RUNX1: variants seen among roughly 807,000 people sequenced by gnomAD.
The protein encoded by RUNX1 is RUNX family transcription factor 1.
Under a neutral mutation model 42.8 loss-of-function variants are expected in RUNX1, and 19 were observed. The observed-to-expected ratio is 0.44, with a 90% CI of 0.31 to 0.65. RUNX1 has a LOEUF of 0.65. RUNX1 is among the 30% of genes least tolerant of loss of function. RUNX1 has a pLI of 0.07. For missense variants in RUNX1, 528 were observed against 672.0 expected, an observed-to-expected ratio of 0.79 and a Z score of 2.37; for synonymous variants, 271 against 289.4, an observed-to-expected ratio of 0.94 and a Z score of 0.64.
chr21:34,998,596 T>C (rs1046717271), intron 2 of RUNX1, among the ~76,000 whole-genome samples: 4 of 152,042 alleles, frequency 2.6e-5, no homozygotes, highest in East Asian at 1.9e-4. Context: ...GGCTGTAGTG[T>C]AGTGGCCCAG....
intron 6 of RUNX1, among the ~76,000 whole-genome samples, 177 bp from the exon 7 acceptor site, chr21:34,834,778 C>T (rs2057119861): frequency 6.6e-6 from 1 of 152,134 alleles, no homozygotes; most frequent in African/African-American, 2.4e-5. Context: ...GGCCACTGTC[C>T]TCTCAGCAGA....
chr21:34,929,993 T>C (rs2058427338), intron 2 of RUNX1, among the ~76,000 whole-genome samples: 1 of 151,798 alleles, frequency 6.6e-6, no homozygotes, highest in Admixed American at 6.6e-5. Context: ...ACTCTTTATT[T>C]TGTAAGGACA....
At chr21:34,826,532 G>A (rs1048723710) in intron 7 of RUNX1, among the ~76,000 whole-genome samples, 7 of 131,264 alleles carry the variant, frequency 5.3e-5, no homozygotes, top group South Asian at 2.7e-4. Flanking sequence ...CCACCTCCCC[G>A]GCTCAAGCGA....
intron 2 of RUNX1, among the ~76,000 whole-genome samples, chr21:34,963,698 C>T (rs888935243): frequency 1.1e-4 from 16 of 152,178 alleles, no homozygotes; most frequent in East Asian, 1.9e-4. Context: ...TGGGCAGGTC[C>T]GGAGGCGAGA....
chr21:34,856,089 C>T (rs957833215), intron 6 of RUNX1, among the ~76,000 whole-genome samples: 2 of 152,120 alleles, frequency 1.3e-5, no homozygotes, highest in Non-Finnish European at 2.9e-5. Context: ...TTCCCTTTGG[C>T]GTATACTTTT....
In RUNX1 at chr21:34,953,244, G is replaced by T. The variant is rs73900727; in HGVS notation, c.59-60281C>A. Among the ~76,000 whole-genome samples, 63 of 151,908 alleles carry T rather than the reference G, an allele frequency of 4.1e-4. 1 individual carries two copies. Among genetic ancestry groups the T allele is most frequent in the Non-Finnish European group, 8.8e-5 (6 of 67,996 alleles). On this transcript the variant is annotated intron_variant, in intron 2 of 8. Transcript: ENST00000675419. Reference sequence around the variant, plus strand: ...GTGCAAATTCTGTGTGATACCCAATGTCCATTTCCTATTCTTCCTTTCAAA... The same window carrying T: ...GTGCAAATTCTGTGTGATACCCAATTTCCATTTCCTATTCTTCCTTTCAAA...
intron 2 of RUNX1, among the ~76,000 whole-genome samples, chr21:34,964,997 C>A (rs1569128393): frequency 6.6e-6 from 1 of 152,070 alleles, no homozygotes; most frequent in East Asian, 1.9e-4. Context: ...CAAGCACACT[C>A]ACATACGTGC....
intron 2 of RUNX1, among the ~76,000 whole-genome samples, chr21:34,984,722 G>A (rs189634552): frequency 2.0e-5 from 3 of 152,352 alleles, no homozygotes; most frequent in Admixed American, 2.0e-4. Flanking sequence ...AGTTCTAGAG[G>A]AAGCTGGAGG....
chr21:34,872,993 A>G (rs1171979101), intron 5 of RUNX1, among the ~76,000 whole-genome samples: 1 of 152,252 alleles, frequency 6.6e-6, no homozygotes, highest in Non-Finnish European at 1.5e-5. Flanking sequence ...TGAAGGCAGG[A>G]CATTTGTCCT....
intron 2 of RUNX1, among the ~76,000 whole-genome samples, chr21:34,984,150 G>C (rs1231969718): frequency 6.6e-6 from 1 of 152,178 alleles, no homozygotes; most frequent in East Asian, 1.9e-4. Flanking sequence ...AGGTGGACCA[G>C]AGAGAGAAGA....
chr21:34,889,799 C>T (rs1469488166), intron 3 of RUNX1: 1 of 1,130,990 alleles, frequency 8.8e-7, no homozygotes, highest in Non-Finnish European at 1.1e-6. Flanking sequence ...CCGACCCCGC[C>T]CGGCGGGGCT....
chr21:35,042,959 T>A (rs186191640), intron 2 of RUNX1, among the ~76,000 whole-genome samples: 1 of 152,184 alleles, frequency 6.6e-6, no homozygotes, highest in African/African-American at 2.4e-5. Flanking sequence ...CTCAGTGTTA[T>A]TGCAAGATGA....
chr21:34,823,823 C>T (rs1236030414), intron 7 of RUNX1, among the ~76,000 whole-genome samples: 1 of 152,132 alleles, frequency 6.6e-6, no homozygotes, highest in East Asian at 1.9e-4. Flanking sequence ...GAATCGCCAT[C>T]TCCTCTTCCC....
intron 2 of RUNX1, among the ~76,000 whole-genome samples, chr21:34,895,583 T>C (rs2058123589): frequency 3.3e-5 from 5 of 151,976 alleles, no homozygotes; most frequent in Admixed American, 2.6e-4. Context: ...AGGAGGGGTT[T>C]AGGGAGGTGA....
chr21:34,984,573 T>C (rs1193067103), intron 2 of RUNX1, among the ~76,000 whole-genome samples: 1 of 151,964 alleles, frequency 6.6e-6, no homozygotes, highest in Non-Finnish European at 1.5e-5. Context: ...GAGAAAGAAG[T>C]TGGTGGCTTG....
intron 6 of RUNX1, among the ~76,000 whole-genome samples, chr21:34,849,102 C>T (rs1337880313): frequency 4.7e-5 from 7 of 149,040 alleles, no homozygotes; most frequent in African/African-American, 5.0e-5. Context: ...TCAATAATTG[C>T]TTTAATGGAA....
chr21:34,888,998 T>C (rs893125285), intron 3 of RUNX1, among the ~76,000 whole-genome samples: 1 of 150,870 alleles, frequency 6.6e-6, no homozygotes, highest in African/African-American at 2.4e-5. Context: ...CGCAGGCTTG[T>C]GCGGCTCCGC....
At chr21:34,860,979 G>A (rs1456886757) in intron 5 of RUNX1, among the ~76,000 whole-genome samples, 2 of 152,182 alleles carry the variant, frequency 1.3e-5, no homozygotes, top group African/African-American at 2.4e-5. Context: ...AGGCTGCTCT[G>A]CCCATTGTGC....
chr21:34,874,511 G>A (rs953267155), intron 5 of RUNX1, among the ~76,000 whole-genome samples: 3 of 148,764 alleles, frequency 2.0e-5, no homozygotes, highest in African/African-American at 7.5e-5. Context: ...TTGGGAGGCC[G>A]AGGTAGGAGA....
Sources: gnomAD v4.1 joint callset for allele counts (sites outside exome capture counted in the v4.1 genomes callset) on GRCh38, gnomAD v4.1.1 for gene constraint, MANE v1.5 for transcripts, NCBI Gene and HGNC (gene_info 2026-07-23, HGNC 2026-07-21) for gene names.